The following HYAL4 variants were observed in gnomAD, a reference collection of about 807,000 sequenced individuals.
HYAL4 encodes hyaluronidase 4, also known as hyaluronidase-4.
In HYAL4, 37 loss-of-function variants were observed where a neutral mutation model predicts 35.2. The ratio of observed to expected loss-of-function variants is 1.05; its 90% confidence interval spans 0.81 to 1.38. The LOEUF (loss-of-function observed/expected upper bound fraction) is 1.38. Among genes scored for constraint, HYAL4 ranks in the 40% most tolerant of loss-of-function variants. The probability of loss-of-function intolerance (pLI) is 0.00; values close to 1 mark genes in which losing one functional copy is unlikely to be tolerated. For synonymous variants in HYAL4, 198 were observed against 203.2 expected (o/e 0.97, Z 0.22); for missense variants, 572 against 572.4 (o/e 1.00, Z 0.01).
chr7:123,806,333 G>T, the HYAL4 span, among the ~76,000 whole-genome samples: 2 of 152,128 alleles, frequency 1.3e-5, no homozygotes, highest in Non-Finnish European at 2.9e-5. Flanking sequence ...AGTAATGAAG[G>T]TTTTCCTTTC....
intron 2 of HYAL4, among the ~76,000 whole-genome samples, chr7:123,865,782 G>A (rs1418301028): frequency 3.3e-5 from 5 of 152,156 alleles, no homozygotes; most frequent in Non-Finnish European, 7.3e-5. Flanking sequence ...AAAGCACCTT[G>A]TATTGGTCCA....
intron 2 of HYAL4, among the ~76,000 whole-genome samples, chr7:123,857,685 C>CTTTG (rs1369815480): frequency 1.7e-4 from 24 of 139,232 alleles, no homozygotes; most frequent in African/African-American, 5.2e-4. Flanking sequence ...TTCTTTCTTT[C>CTTTG]TTTCTTTCTT....
At chr7:123,798,142 T>C in the HYAL4 span, among the ~76,000 whole-genome samples, 2 of 152,344 alleles carry the variant, frequency 1.3e-5, no homozygotes, top group Non-Finnish European at 2.9e-5. Context: ...GACTCTGTAA[T>C]GCAATAGGAA....
intron 1 of HYAL4, among the ~76,000 whole-genome samples, chr7:123,839,263 T>C (rs532674526): frequency 6.6e-6 from 1 of 152,274 alleles, no homozygotes; most frequent in African/African-American, 2.4e-5. Context: ...TGTGATAGTT[T>C]GCTGAGATTG....
the HYAL4 span, among the ~76,000 whole-genome samples, chr7:123,777,996 C>A: frequency 4.6e-5 from 7 of 150,732 alleles, no homozygotes; most frequent in African/African-American, 1.7e-4. Flanking sequence ...TTCTAAAATT[C>A]TAAATTATTT....
chr7:123,794,917 T>G, the HYAL4 span, among the ~76,000 whole-genome samples: 3 of 152,176 alleles, frequency 2.0e-5, no homozygotes, highest in Non-Finnish European at 4.4e-5. Flanking sequence ...GCTTGCACTG[T>G]GTGCCTGGAA....
chr7:123,843,173 A>T (rs766493408), upstream of HYAL4, among the ~76,000 whole-genome samples: 1 of 151,834 alleles, frequency 6.6e-6, no homozygotes, highest in East Asian at 1.9e-4. Flanking sequence ...TTCCTTCAGG[A>T]GTTCTTGTAA....
chr7:123,876,694 T>A, intron 4 of HYAL4, 60 bp from the exon 5 acceptor site: 1 of 1,531,086 alleles, frequency 6.5e-7, no homozygotes, highest in Non-Finnish European at 8.9e-7. Context: ...TAAAATCGAT[T>A]TCTTTGTACA....
chr7:123,875,113 A>G (rs1806977131), intron 4 of HYAL4, among the ~76,000 whole-genome samples: 1 of 152,208 alleles, frequency 6.6e-6, no homozygotes. Flanking sequence ...TACTGGTCAT[A>G]TGAGGTAGTG....
At chr7:123,863,982 C>T (rs1473773822) in intron 2 of HYAL4, among the ~76,000 whole-genome samples, 1 of 152,092 alleles carries the variant, frequency 6.6e-6, no homozygotes, top group African/African-American at 2.4e-5. Flanking sequence ...AAAGAACATC[C>T]CTCCTGCCAC....
At chr7:123,836,911 C>T (rs1378385138) in intron 1 of HYAL4, among the ~76,000 whole-genome samples, 5 of 151,892 alleles carry the variant, frequency 3.3e-5, no homozygotes, top group Non-Finnish European at 7.4e-5. Flanking sequence ...GCCTGTAATC[C>T]CAGTTACTCA....
the HYAL4 span, among the ~76,000 whole-genome samples, chr7:123,767,601 T>A: frequency 2.6e-5 from 4 of 152,214 alleles, no homozygotes; most frequent in Non-Finnish European, 2.9e-5. Flanking sequence ...AAAAAACTCT[T>A]GTCTTTTCTA....
the HYAL4 span, among the ~76,000 whole-genome samples, chr7:123,774,637 C>T: frequency 2.0e-5 from 3 of 152,154 alleles, no homozygotes; most frequent in Non-Finnish European, 4.4e-5. Context: ...CACTCAAAAA[C>T]CCTTCAGTAT....
chr7:123,852,509 T>G (rs867500307), intron 2 of HYAL4, among the ~76,000 whole-genome samples: 6 of 152,212 alleles, frequency 3.9e-5, no homozygotes, highest in African/African-American at 1.4e-4. Flanking sequence ...CTTTTCCCCT[T>G]GCTTGTTTTT....
intron 2 of HYAL4, among the ~76,000 whole-genome samples, chr7:123,863,976 A>G (rs1163758293): frequency 6.6e-6 from 1 of 152,108 alleles, no homozygotes; most frequent in Non-Finnish European, 1.5e-5. Flanking sequence ...CCCTCAAAAG[A>G]ACATCCCTCC....
the HYAL4 span, among the ~76,000 whole-genome samples, chr7:123,763,762 C>T: frequency 2.6e-5 from 4 of 152,328 alleles, no homozygotes; most frequent in South Asian, 6.2e-4. Flanking sequence ...CTTACCATGA[C>T]ATGTAAGGCC....
upstream of HYAL4, among the ~76,000 whole-genome samples, chr7:123,824,669 C>T (rs915652324): frequency 1.3e-5 from 2 of 151,996 alleles, no homozygotes; most frequent in African/African-American, 4.8e-5. Flanking sequence ...TTACTTCTTC[C>T]CCAGAAGTAC....
chr7:123,775,525 C>T, the HYAL4 span, among the ~76,000 whole-genome samples: 17 of 152,188 alleles, frequency 1.1e-4, no homozygotes, highest in South Asian at 6.2e-4. Context: ...TCAGAAACAA[C>T]TTGTTGTTAG....
the HYAL4 span, among the ~76,000 whole-genome samples, chr7:123,820,009 G>C: frequency 1.3e-5 from 2 of 151,084 alleles, no homozygotes; most frequent in Non-Finnish European, 2.9e-5. Flanking sequence ...TCGTGACTCA[G>C]CCTCCTGACT....
Sources: allele counts gnomAD v4.1 joint callset (sites outside exome capture counted in the v4.1 genomes callset), GRCh38; gene constraint gnomAD v4.1.1; transcripts MANE v1.5; gene names NCBI Gene and HGNC (gene_info 2026-07-23, HGNC 2026-07-21).